The following ARHGAP35 variants were observed in gnomAD, a reference collection of about 807,000 sequenced individuals.
ARHGAP35 encodes the protein rho GTPase-activating protein 35.
A neutral mutation model predicts 111.1 loss-of-function variants in ARHGAP35; 15 were observed. The observed-to-expected ratio is 0.13, with a 90% CI of 0.09 to 0.21. The LOEUF (loss-of-function observed/expected upper bound fraction) is 0.21, where lower values mean the gene tolerates loss of function less well. ARHGAP35 is among the 10% of genes least tolerant of loss of function. The pLI is 1.00. For missense variants in ARHGAP35, 1,262 were observed against 1,873.0 expected, an observed-to-expected ratio of 0.67 and a Z score of 6.02; for synonymous variants, 643 against 710.3, an observed-to-expected ratio of 0.91 and a Z score of 1.51.
chr19:46,915,808 A>G (rs1182401980), intron 1 of ARHGAP35, among the ~76,000 whole-genome samples: 1 of 152,170 alleles, frequency 6.6e-6, no homozygotes, highest in African/African-American at 2.4e-5. Context: ...GAAAGTTGCT[A>G]AAGACTGTAA....
intron 3 of ARHGAP35, among the ~76,000 whole-genome samples, chr19:46,963,505 GC>G (rs1003927878): frequency 2.6e-5 from 4 of 152,098 alleles, no homozygotes; most frequent in Non-Finnish European, 4.4e-5. Context: ...TATTTTCCAA[GC>G]CCCATCTGAA....
chr19:46,937,812 T>C (rs907431108), intron 3 of ARHGAP35, among the ~76,000 whole-genome samples: 2 of 152,198 alleles, frequency 1.3e-5, no homozygotes, highest in African/African-American at 4.8e-5. Context: ...ACATAATACA[T>C]TTTGGTTTAG....
Position 46,955,228 on chromosome 19 carries a change from G to C in ARHGAP35, c.3826+17820G>C, listed in dbSNP as rs566780152. On this transcript the variant is annotated intron_variant, in intron 3 of 6. Coordinates refer to ENST00000672722, the MANE Select transcript of ARHGAP35 (RefSeq NM_004491.5). ...CCGTCCATGTGATACAACTCCTAGC[G>C]GGGGAGGGATAGTGGGGCATTATAT... Among the ~76,000 whole-genome samples the C allele has an allele frequency of 9.2e-5, 14 of 152,302 alleles. 1 individual carries two copies. The highest frequency in any genetic ancestry group is 2.0e-4 in the Admixed American group (3 of 15,300).
intron 3 of ARHGAP35, among the ~76,000 whole-genome samples, chr19:46,966,377 T>C (rs2056515385): frequency 6.6e-6 from 1 of 152,152 alleles, no homozygotes; most frequent in Non-Finnish European, 1.5e-5. Context: ...ATCGAGACTC[T>C]GTCTCTACAA....
Position 46,944,477 on chromosome 19 carries a change from A to T in ARHGAP35, c.3826+7069A>T, listed in dbSNP as rs188924881. Among the ~76,000 whole-genome samples the T allele has an allele frequency of 1.4e-4, 21 of 152,292 alleles. No homozygotes were observed. The East Asian group carries it at 3.9e-3, about 28-fold the overall frequency. ...CCCAAAACATTGAAGTCTGAGTATG[A>T]GATCATCTCTGTGCTGTTCCGCAGC... On this transcript the variant is annotated intron_variant, in intron 3 of 6. Transcript: ENST00000672722.
intron 3 of ARHGAP35, among the ~76,000 whole-genome samples, chr19:46,963,279 G>T (rs1470798145): frequency 6.6e-6 from 1 of 152,168 alleles, no homozygotes; most frequent in African/African-American, 2.4e-5. Flanking sequence ...TGGAAATTAT[G>T]CTGTGTTCTG....
At chr19:46,956,387 G>A (rs2122257740) in intron 3 of ARHGAP35, among the ~76,000 whole-genome samples, 1 of 150,268 alleles carries the variant, frequency 6.7e-6, no homozygotes, top group East Asian at 2.0e-4. Flanking sequence ...AATAAATTTT[G>A]TGTTTAGGTT....
At position 46,919,920 on chromosome 19, in the gene ARHGAP35, A is replaced by G. The variant is rs2056187896; in HGVS notation, c.1245A>G (p.Leu415=). ...DLMDTVPAEQ[L]YEAHLEKLRN... ...TGGATACCGTCCCTGCAGAGCAGCT[A>G]TACGAGGCCCACTTAGAGAAGCTGA... The change falls in exon 2 of 7, where the codon CTA becomes CTG. Residue 415 remains leucine (L), a synonymous_variant. Transcript: ENST00000672722. The surrounding 1 kb of genome is among the most constrained non-coding windows in gnomAD (Gnocchi z 6.2). 1.2e-6 allele frequency: 2 copies of G among 1,614,010 alleles called. No homozygotes were observed. Among genetic ancestry groups the G allele is most frequent in the Non-Finnish European group, 1.7e-6 (2 of 1,179,882 alleles).
At chr19:46,910,708 G>C (rs1445253814) in intron 1 of ARHGAP35, among the ~76,000 whole-genome samples, 1 of 152,210 alleles carries the variant, frequency 6.6e-6, no homozygotes, top group African/African-American at 2.4e-5. Flanking sequence ...TCCCACTTCA[G>C]CCTCCCCGGT....
chr19:46,887,595 G>T (rs1289576390), intron 1 of ARHGAP35, among the ~76,000 whole-genome samples: 1 of 152,040 alleles, frequency 6.6e-6, no homozygotes, highest in Non-Finnish European at 1.5e-5. Flanking sequence ...CATAAGTAGG[G>T]CTTCTCTCTA....
intron 1 of ARHGAP35, among the ~76,000 whole-genome samples, chr19:46,875,510 A>G (rs763179855): frequency 3.3e-5 from 5 of 152,152 alleles, no homozygotes; most frequent in Non-Finnish European, 7.3e-5. Context: ...AGCCATGTAG[A>G]GGAAAGAAAC....
chr19:46,909,885 G>T (rs1286086686), intron 1 of ARHGAP35, among the ~76,000 whole-genome samples: 1 of 152,042 alleles, frequency 6.6e-6, no homozygotes, highest in Non-Finnish European at 1.5e-5. Flanking sequence ...GGGCTCAGGT[G>T]ATCTTCCCAC....
chr19:46,935,528 G>GA lies in ARHGAP35; in HGVS notation c.3682-1734dup, dbSNP rs548462885. 2.2e-3 allele frequency among the ~76,000 whole-genome samples: 337 copies of GA among 152,320 alleles called. 1 individual carries two copies. Among genetic ancestry groups the GA allele is most frequent in the Middle Eastern group, 0.014 (4 of 294 alleles). ...TATACAAAGGGGTACTGGTAGGAACGAAGATGGGCAGGAGAAGGAGAGGGA... is the reference window on the plus strand; with the variant it reads ...TATACAAAGGGGTACTGGTAGGAACGAAAGATGGGCAGGAGAAGGAGAGGGA... On this transcript the variant is annotated intron_variant, in intron 2 of 6. Transcript: ENST00000672722.
chr19:46,942,815 C>CAAAAAA (rs1241909711), intron 3 of ARHGAP35, among the ~76,000 whole-genome samples: 1 of 42,272 alleles, frequency 2.4e-5, no homozygotes, highest in Non-Finnish European at 4.5e-5. Context: ...GACCCTGTCT[C>CAAAAAA]AGAAAAAAAA....
At chr19:46,980,396 A>G (rs968950350) in intron 3 of ARHGAP35, among the ~76,000 whole-genome samples, 5 of 152,268 alleles carry the variant, frequency 3.3e-5, no homozygotes, top group African/African-American at 1.2e-4. Flanking sequence ...CTCAAAAATA[A>G]TAATAATATT....
chr19:46,880,549 T>G (rs1020867315), intron 1 of ARHGAP35, among the ~76,000 whole-genome samples: 2 of 149,874 alleles, frequency 1.3e-5, no homozygotes, highest in African/African-American at 5.1e-5. Context: ...CTGTGGTGAC[T>G]TTATTCAATG....
At chr19:46,880,947 CTTT>C (rs1206653160) in intron 1 of ARHGAP35, among the ~76,000 whole-genome samples, 5 of 113,710 alleles carry the variant, frequency 4.4e-5, no homozygotes, top group East Asian at 2.6e-4. Context: ...AATGAATGTT[CTTT>C]TTTTTTTTTT....
At chr19:46,898,197 G>A (rs1158387628) in intron 1 of ARHGAP35, among the ~76,000 whole-genome samples, 3 of 150,634 alleles carry the variant, frequency 2.0e-5, no homozygotes, top group Non-Finnish European at 4.4e-5. Context: ...AGCCGAGATC[G>A]CGCCACTGCA....
intron 1 of ARHGAP35, among the ~76,000 whole-genome samples, chr19:46,912,509 T>A (rs1358836202): frequency 6.6e-6 from 1 of 151,876 alleles, no homozygotes; most frequent in Non-Finnish European, 1.5e-5. Context: ...GCCCACCACC[T>A]CGCCCAGCTA....
Sources: allele counts gnomAD v4.1 joint callset (sites outside exome capture counted in the v4.1 genomes callset), GRCh38; gene constraint gnomAD v4.1.1; non-coding constraint Gnocchi (gnomAD v3.1); transcripts MANE v1.5; gene names NCBI Gene and HGNC (gene_info 2026-07-23, HGNC 2026-07-21).